The following ST8SIA5 variants were observed in gnomAD, a reference collection of about 807,000 sequenced individuals.
The protein encoded by ST8SIA5 is ST8 alpha-N-acetyl-neuraminide alpha-2,8-sialyltransferase 5.
In ST8SIA5, 24 loss-of-function variants were observed where a neutral mutation model predicts 40.2. That is an observed-to-expected ratio of 0.60 (90% CI 0.43 to 0.84). ST8SIA5 has a LOEUF of 0.84. Ranked by LOEUF, ST8SIA5 falls within the 40% of genes least tolerant of loss-of-function variation. ST8SIA5 has a pLI of 0.00. For missense variants in ST8SIA5, 465 were observed against 498.5 expected, an observed-to-expected ratio of 0.93 and a Z score of 0.64; for synonymous variants, 198 against 201.8, an observed-to-expected ratio of 0.98 and a Z score of 0.16.
At chr18:46,753,168 G>A (rs191339877) in intron 1 of ST8SIA5, among the ~76,000 whole-genome samples, 5 of 152,110 alleles carry the variant, frequency 3.3e-5, no homozygotes, top group African/African-American at 4.8e-5. Context: ...CAATCCCTGC[G>A]CGCACACACA....
At chr18:46,691,193 C>T (rs1599105206) in intron 3 of ST8SIA5, among the ~76,000 whole-genome samples, 1 of 152,202 alleles carries the variant, frequency 6.6e-6, no homozygotes, top group Non-Finnish European at 1.5e-5. Context: ...CAGGCCTTTG[C>T]TTGGTTTCTG....
In ST8SIA5 at chr18:46,716,506, A is replaced by G. The variant is rs544152824; in HGVS notation, c.132-11842T>C. Among the ~76,000 whole-genome samples the G allele has an allele frequency of 8.9e-4, 135 of 152,296 alleles. 3 individuals carry two copies. The South Asian group carries it at 0.028, about 31-fold the overall frequency. On this transcript the variant is annotated intron_variant, in intron 1 of 6. Transcript: ENST00000315087. ...GCCAGCCCCGCTCCGGACCTCAGAG[A>G]CAAGTGTCTCCTGAGTTGCCTTCCA... is the stretch of plus-strand genomic sequence containing the variant.
chr18:46,687,470 A>G (rs943002391), intron 4 of ST8SIA5, among the ~76,000 whole-genome samples: 2 of 152,000 alleles, frequency 1.3e-5, no homozygotes, highest in Non-Finnish European at 2.9e-5. Context: ...TTGGATCTGT[A>G]TGTCATACTA....
rs577009788 is a variant in ST8SIA5, at chr18:46,747,438, G to A, written c.131+8940C>T. ...TATGAACAGACACTTCTTAAAAGAA[G>A]ACATTTATGCAGCCAACAGAAACAT... On this transcript the variant is annotated intron_variant, in intron 1 of 6. Coordinates refer to ENST00000315087, the MANE Select transcript of ST8SIA5 (RefSeq NM_013305.6). 2.0e-5 allele frequency among the ~76,000 whole-genome samples: 3 copies of A among 152,278 alleles called. No homozygotes were observed. In the East Asian group the frequency reaches 5.8e-4, roughly 29 times the overall value.
chr18:46,689,740 AT>A (rs961770000), intron 3 of ST8SIA5, among the ~76,000 whole-genome samples: 2,105 of 128,084 alleles, frequency 0.016, 48 homozygotes, highest in African/African-American at 0.05. Context: ...TGCCTGGCTA[AT>A]TTTTTTTTTT....
chr18:46,726,914 A>AAAAC (rs926155443), intron 1 of ST8SIA5, among the ~76,000 whole-genome samples: 1 of 152,174 alleles, frequency 6.6e-6, no homozygotes, highest in African/African-American at 2.4e-5. Context: ...TCCATCTCAA[A>AAAAC]AAACAAACAA....
Position 46,668,688 on chromosome 18 carries a change from G to A in ST8SIA5, c.*11354C>T, listed in dbSNP as rs1351887296. The stretch of plus-strand genomic sequence containing the variant: ...ATGGCTCTCTGATGGGAGGCGAGTC[G>A]GTTCCAGAAAGGGAAGCTGCAGGCC... On this transcript the variant is annotated 3_prime_UTR_variant, in exon 7 of 7. Coordinates refer to ENST00000315087, the MANE Select transcript of ST8SIA5 (RefSeq NM_013305.6). 4 of 152,340 alleles carry A rather than the reference G, an allele frequency of 2.6e-5. No individual in the cohort carries two copies. The East Asian group carries it at 5.8e-4, about 22-fold the overall frequency. 9.4% of individuals were successfully genotyped at this position (152,340 alleles called of 1,614,324 possible). A position where few individuals can be genotyped will look rare whatever the true frequency, so the allele number is the denominator to read the frequency against.
intron 1 of ST8SIA5, among the ~76,000 whole-genome samples, chr18:46,712,040 G>GTA (rs1429356829): frequency 6.6e-6 from 1 of 152,178 alleles, no homozygotes; most frequent in Admixed American, 6.5e-5. Context: ...GGGGTTGGGG[G>GTA]TAGCAGGGCA....
chr18:46,713,837 C>G (rs1271042102), intron 1 of ST8SIA5, among the ~76,000 whole-genome samples: 6 of 152,156 alleles, frequency 3.9e-5, no homozygotes, highest in Admixed American at 3.9e-4. Context: ...AGATGCCCCT[C>G]TGCCGTAGGT....
At chr18:46,708,327 G>A (rs1461355962) in intron 1 of ST8SIA5, among the ~76,000 whole-genome samples, 1 of 152,092 alleles carries the variant, frequency 6.6e-6, no homozygotes, top group South Asian at 2.1e-4. Context: ...CCTCTCCCCT[G>A]TCACCCTGTG....
chr18:46,691,863 A>G (rs2144481347), intron 3 of ST8SIA5: 1 of 396,304 alleles, frequency 2.5e-6, no homozygotes, highest in East Asian at 5.2e-5. Context: ...GACCGCCCAC[A>G]CATGCTTCCC....
intron 2 of ST8SIA5, among the ~76,000 whole-genome samples, chr18:46,702,719 TCA>T (rs2144498158): frequency 6.6e-6 from 1 of 152,320 alleles, no homozygotes; most frequent in Admixed American, 6.5e-5. Flanking sequence ...CCAGCCTGGG[TCA>T]AGTTCCCTGT....
chr18:46,730,999 A>G (rs901427187), intron 1 of ST8SIA5, among the ~76,000 whole-genome samples: 2 of 152,216 alleles, frequency 1.3e-5, no homozygotes, highest in Non-Finnish European at 2.9e-5. Context: ...AAGAAAAAAG[A>G]AACAACAACA....
intron 2 of ST8SIA5, 69 bp downstream of exon 2, chr18:46,704,503 C>T (rs968306198): frequency 3.0e-5 from 41 of 1,381,760 alleles, no homozygotes; most frequent in African/African-American, 5.7e-5. Flanking sequence ...CTTGCCCCCA[C>T]GCACTCACCC....
At chr18:46,699,823 G>A (rs2039593898) in intron 2 of ST8SIA5, among the ~76,000 whole-genome samples, 1 of 152,174 alleles carries the variant, frequency 6.6e-6, no homozygotes, top group Non-Finnish European at 1.5e-5. Context: ...GGCCCTCCAG[G>A]AACCTCCACC....
chr18:46,731,035 G>A (rs994720663), intron 1 of ST8SIA5, among the ~76,000 whole-genome samples: 9 of 152,206 alleles, frequency 5.9e-5, no homozygotes, highest in Non-Finnish European at 1.2e-4. Flanking sequence ...ACTACCAGGT[G>A]AAGTGAAGAT....
chr18:46,723,116 G>C (rs1490015759), intron 1 of ST8SIA5: 1 of 158,882 alleles, frequency 6.3e-6, no homozygotes, highest in East Asian at 1.7e-4. Context: ...TTAACGACCA[G>C]TTTAAAACCT....
At chr18:46,742,824 A>C (rs1383494935) in intron 1 of ST8SIA5, among the ~76,000 whole-genome samples, 1 of 152,208 alleles carries the variant, frequency 6.6e-6, no homozygotes, top group Non-Finnish European at 1.5e-5. Flanking sequence ...ACTGACAGAC[A>C]CCTCATACAG....
intron 1 of ST8SIA5, among the ~76,000 whole-genome samples, chr18:46,742,124 T>A (rs1171734226): frequency 6.6e-6 from 1 of 151,500 alleles, no homozygotes; most frequent in Non-Finnish European, 1.5e-5. Context: ...TAAATAAATA[T>A]AATTTTCAAA....
Sources: allele counts gnomAD v4.1 joint callset (sites outside exome capture counted in the v4.1 genomes callset), GRCh38; gene constraint gnomAD v4.1.1; transcripts MANE v1.5; gene names NCBI Gene and HGNC (gene_info 2026-07-23, HGNC 2026-07-21).